Variants in IREB2 observed in about 807,000 individuals in gnomAD.
IREB2 encodes the protein iron-responsive element-binding protein 2.
IREB2 carries 39 observed loss-of-function variants against 118.8 expected under a neutral mutation model. The ratio of observed to expected loss-of-function variants is 0.33; its 90% CI spans 0.25 to 0.43. The LOEUF (loss-of-function observed/expected upper bound fraction) is 0.43, where lower values mean the gene tolerates loss of function less well. IREB2 is among the 20% of genes least tolerant of loss of function. The probability of loss-of-function intolerance (pLI) is 1.00; values close to 1 mark genes in which losing one functional copy is unlikely to be tolerated. For missense variants in IREB2, 900 were observed against 1,147.3 expected (o/e 0.78, Z 3.11); for synonymous variants, 372 against 392.2 (o/e 0.95, Z 0.61).
At position 78,493,933 on chromosome 15, in the gene IREB2, T is replaced by C. The variant is rs369999187; in HGVS notation, c.2349T>C (p.Ser783=). The stretch of plus-strand genomic sequence containing the variant: ...GCCTTACCCCTCGTGAATTCAACTC[T>C]TACGGAGCTCGAAGAGGTAATGATG... ...NRGLTPREFN[S]YGARRGNDAV... Residue 783 remains serine (S), a synonymous_variant, in exon 19 of 22, where the codon TCT becomes TCC. Transcript: ENST00000258886. 264 of 1,613,840 alleles carry C rather than the reference T, an allele frequency of 1.6e-4. No individual in the cohort carries two copies. Among genetic ancestry groups the C allele is most frequent in the Non-Finnish European group, 2.1e-4 (251 of 1,179,924 alleles).
chr15:78,485,474 G>A (rs1270125563), intron 12 of IREB2, among the ~76,000 whole-genome samples: 1 of 152,182 alleles, frequency 6.6e-6, no homozygotes, highest in African/African-American at 2.4e-5. Flanking sequence ...TGTTTACTCT[G>A]TGTGAATGAT....
intron 14 of IREB2, 133 bp from the exon 15 acceptor site, chr15:78,488,047 A>G (rs113809687): frequency 1.5e-4 from 120 of 790,460 alleles, no homozygotes; most frequent in African/African-American, 3.0e-4. Context: ...GCATAGTTCT[A>G]TATTTAAAAA....
intron 1 of IREB2, 125 bp from the exon 2 acceptor site, chr15:78,439,670 A>C (rs2050814747): frequency 4.9e-6 from 3 of 608,304 alleles, no homozygotes; most frequent in Admixed American, 6.4e-5. Flanking sequence ...TTTACTGGAC[A>C]GCTCAAACAT....
chr15:78,495,716 G>T (rs1378025853), intron 20 of IREB2, among the ~76,000 whole-genome samples: 1 of 152,070 alleles, frequency 6.6e-6, no homozygotes, highest in African/African-American at 2.4e-5. Flanking sequence ...TGTAAAAAAT[G>T]AGTAAAAAAG....
intron 2 of IREB2, among the ~76,000 whole-genome samples, chr15:78,459,390 C>T (rs537320855): frequency 6.6e-6 from 1 of 152,082 alleles, no homozygotes; most frequent in Non-Finnish European, 1.5e-5. Flanking sequence ...CGCTCTGTTG[C>T]CCAGGCTGGA....
intron 15 of IREB2, 108 bp downstream of exon 15, chr15:78,488,444 A>G: frequency 9.6e-7 from 1 of 1,045,602 alleles, no homozygotes; most frequent in Non-Finnish European, 1.4e-6. Context: ...TTATTTCAGG[A>G]AGACGTATGA....
intron 16 of IREB2, among the ~76,000 whole-genome samples, 179 bp from the exon 17 acceptor site, chr15:78,490,243 A>AC (rs2051726785): frequency 6.6e-6 from 1 of 152,154 alleles, no homozygotes; most frequent in Non-Finnish European, 1.5e-5. Flanking sequence ...AAAATTTAAA[A>AC]TTTTTTAAAA....
At chr15:78,488,576 G>A (rs2051698191) in intron 15 of IREB2, 71 bp from the exon 16 acceptor site, 15 of 1,414,694 alleles carry the variant, frequency 1.1e-5, no homozygotes, top group Non-Finnish European at 1.4e-5. Context: ...TCCATGATAT[G>A]TCTTTGAAAA....
At chr15:78,475,154 T>G (rs904372865) in intron 8 of IREB2, 1 of 151,758 alleles carries the variant, frequency 6.6e-6, no homozygotes, top group Admixed American at 6.6e-5. Flanking sequence ...GGGTTTGGAT[T>G]AAGTGATCCC....
At chr15:78,481,981 C>T (rs1596008313) in intron 10 of IREB2, among the ~76,000 whole-genome samples, 1 of 152,174 alleles carries the variant, frequency 6.6e-6, no homozygotes, top group Non-Finnish European at 1.5e-5. Context: ...GTTATTCTTG[C>T]GTGTAATCCC....
rs961901511 is a variant in IREB2, at chr15:78,438,224, T to C, written c.-114T>C. The C allele has an allele frequency of 1.1e-5, 9 of 825,142 alleles. No homozygotes were observed. The highest frequency in any genetic ancestry group is 6.7e-5 in the African/African-American group (4 of 59,284). The allele number at this position is 825,142 out of a possible 1,614,324, so 51.1% of individuals were successfully genotyped here. ...TCTCGCGATATTTGCGCGAGCCTGC[T>C]TCCTTCTTTCCTCCCTTGCCAGTCC... On this transcript the variant is annotated 5_prime_UTR_variant, in exon 1 of 22. Transcript: ENST00000258886.
chr15:78,488,349 T>G lies in IREB2; in HGVS notation c.1951+13T>G. The G allele has an allele frequency of 6.4e-7, 1 of 1,570,682 alleles. No homozygotes were observed. The highest frequency in any genetic ancestry group is 8.6e-7 in the Non-Finnish European group (1 of 1,164,452). On this transcript the variant is annotated intron_variant, in intron 15 of 21. Coordinates refer to ENST00000258886, the MANE Select transcript of IREB2 (RefSeq NM_004136.4). Reference sequence around the variant, plus strand: ...ACAGAACCTTTAGGTATCTTTTCCTTTATGTATATGTATACCTACACATAC... The same window carrying G: ...ACAGAACCTTTAGGTATCTTTTCCTGTATGTATATGTATACCTACACATAC...
At chr15:78,495,051 A>G (rs1043378848) in intron 20 of IREB2, among the ~76,000 whole-genome samples, 1 of 152,094 alleles carries the variant, frequency 6.6e-6, no homozygotes, top group Non-Finnish European at 1.5e-5. Flanking sequence ...CTTGTTGCAG[A>G]GCAAATAGGC....
chr15:78,449,611 G>A (rs1331605315), intron 2 of IREB2, among the ~76,000 whole-genome samples: 2 of 152,316 alleles, frequency 1.3e-5, no homozygotes, highest in African/African-American at 4.8e-5. Context: ...TTAAAACTCT[G>A]CAGAACAAGC....
Position 78,490,695 on chromosome 15 carries a change from A to T in IREB2, c.2258A>T (p.Asp753Val). The change falls in exon 18 of 22, where the codon GAT (aspartate) becomes GTT (valine). Residue 753 changes from aspartate (D) to valine (V), a missense_variant. Coordinates refer to ENST00000258886, the MANE Select transcript of IREB2 (RefSeq NM_004136.4). ...TATTTGGGAGACTCTGTCACAACAG[A>T]TCATATATCACCTGCAGGAAGTATC... ...LLYLGDSVTT[D>V]HISPAGSIAR... The T allele has an allele frequency of 6.2e-7, 1 of 1,614,052 alleles. No homozygotes were observed. Among genetic ancestry groups the T allele is most frequent in the Non-Finnish European group, 8.5e-7 (1 of 1,179,910 alleles).
chr15:78,441,561 C>T (rs549405849), intron 2 of IREB2, among the ~76,000 whole-genome samples: 1 of 152,262 alleles, frequency 6.6e-6, no homozygotes, highest in East Asian at 1.9e-4. Flanking sequence ...AGTATAAATA[C>T]TTTCTGTGTA....
Position 78,484,844 on chromosome 15 carries a change from G to C in IREB2, c.1497G>C (p.Leu499=), listed in dbSNP as rs139610892. ...SIHYEGSEYK[L]SHGSVVIAAV... ...ATTATGAAGGAAGTGAATATAAGCT[G>C]TCTCATGGATCAGTGGTCATTGCTG... Residue 499 remains leucine (L), a synonymous_variant, in exon 12 of 22, where the codon CTG becomes CTC. Coordinates refer to ENST00000258886, the MANE Select transcript of IREB2 (RefSeq NM_004136.4). 1.2e-6 allele frequency: 2 copies of C among 1,613,596 alleles called. No individual in the cohort carries two copies. Among genetic ancestry groups the C allele is most frequent in the Admixed American group, 1.7e-5 (1 of 60,022 alleles).
chr15:78,493,835 T>G, intron 18 of IREB2, 74 bp from the exon 19 acceptor site: 4 of 1,412,056 alleles, frequency 2.8e-6, no homozygotes, highest in Non-Finnish European at 3.8e-6. Context: ...AATTTTTCAA[T>G]AGGTCTTACA....
At chr15:78,491,292 T>C (rs1366963764) in intron 18 of IREB2, among the ~76,000 whole-genome samples, 1 of 152,174 alleles carries the variant, frequency 6.6e-6, no homozygotes, top group Non-Finnish European at 1.5e-5. Context: ...GATATAAATT[T>C]AAAACTGGTA....
Sources: allele counts gnomAD v4.1 joint callset (sites outside exome capture counted in the v4.1 genomes callset), GRCh38; gene constraint gnomAD v4.1.1; transcripts MANE v1.5; gene names NCBI Gene and HGNC (gene_info 2026-07-23, HGNC 2026-07-21).